LRRC18: variants seen among roughly 807,000 people sequenced by gnomAD.
The protein encoded by LRRC18 is leucine-rich repeat-containing protein 18.
LRRC18 carries 12 observed loss-of-function variants against 11.2 expected under a neutral mutation model. That is an observed-to-expected ratio of 1.07 (90% CI 0.69 to 1.74). The LOEUF (loss-of-function observed/expected upper bound fraction) is 1.74, where lower values mean the gene tolerates loss of function less well. Among genes scored for constraint, LRRC18 ranks in the 40% most tolerant of loss-of-function variants. LRRC18 has a pLI of 0.00. For synonymous variants in LRRC18, 155 were observed against 130.6 expected (o/e 1.19, Z -1.27); for missense variants, 374 against 330.5 (o/e 1.13, Z -1.02).
the LRRC18 span, among the ~76,000 whole-genome samples, chr10:48,922,577 G>A: frequency 0.36 from 55,356 of 152,008 alleles, 10,739 homozygotes; most frequent in African/African-American, 0.44. Context: ...TGCCTAACTC[G>A]TAAATTAAAC....
At chr10:48,917,515 C>T (rs1838660178), upstream of LRRC18, among the ~76,000 whole-genome samples, 1 of 152,182 alleles carries the variant, frequency 6.6e-6, no homozygotes, top group Non-Finnish European at 1.5e-5. Flanking sequence ...TGACGTATCA[C>T]CCACAGGGGA....
At chr10:48,932,807 G>A in the LRRC18 span, among the ~76,000 whole-genome samples, 4 of 152,134 alleles carry the variant, frequency 2.6e-5, no homozygotes, top group South Asian at 2.1e-4. Flanking sequence ...GAGGTGGGTG[G>A]GGAGGTCCTT....
At chr10:48,939,729 T>A in the LRRC18 span, among the ~76,000 whole-genome samples, 33 of 152,322 alleles carry the variant, frequency 2.2e-4, no homozygotes, top group Non-Finnish European at 3.2e-4. Flanking sequence ...ACAATATTTT[T>A]AAAAAATAGA....
intron 1 of LRRC18, among the ~76,000 whole-genome samples, chr10:48,912,757 A>G (rs1029559999): frequency 7.9e-5 from 12 of 152,282 alleles, no homozygotes; most frequent in Admixed American, 6.5e-4. Context: ...ATTCACAGCC[A>G]GTCAGAGGTC....
chr10:48,919,882 T>C, the LRRC18 span, among the ~76,000 whole-genome samples: 3 of 152,060 alleles, frequency 2.0e-5, no homozygotes, highest in Admixed American at 6.6e-5. Flanking sequence ...AAAAATAGAA[T>C]AGAGAGTGAT....
At chr10:48,910,856 C>G in intron 1 of LRRC18, 1 of 962,008 alleles carries the variant, frequency 1.0e-6, no homozygotes. Flanking sequence ...GAAGGGAGGA[C>G]GTGGACCAGC....
Position 48,913,731 on chromosome 10 carries a change from G to A in LRRC18, c.425C>T (p.Ala142Val), listed in dbSNP as rs763695309. 9.3e-6 allele frequency: 15 copies of A among 1,613,092 alleles called. No individual in the cohort carries two copies. In the African/African-American group the frequency reaches 1.7e-4, roughly 19 times the overall value. ...CCCTACCTCGTGGAGCTCCTTCAGG[G>A]CCCCCAGTGTGGTGGGCACGCTGTC... Residue 142 changes from alanine to valine, a missense_variant, in exon 1 of 2, where the codon GCC (alanine) becomes GTC (valine). Physicochemically the swap from Ala to Val is moderately conservative, Grantham distance 64. Coordinates refer to ENST00000374160, the Ensembl canonical transcript of LRRC18.
At chr10:48,936,792 C>G in the LRRC18 span, among the ~76,000 whole-genome samples, 6 of 147,956 alleles carry the variant, frequency 4.1e-5, no homozygotes, top group South Asian at 2.2e-4. Flanking sequence ...GAGCCGAGAT[C>G]GCGCCACTGC....
the LRRC18 span, among the ~76,000 whole-genome samples, chr10:48,933,527 T>C: frequency 6.6e-6 from 1 of 152,206 alleles, no homozygotes; most frequent in East Asian, 1.9e-4. Flanking sequence ...GTTCTGCAGA[T>C]GCTGGCAGGA....
At chr10:48,915,148 T>C (rs184832270), upstream of LRRC18, among the ~76,000 whole-genome samples, 32 of 152,302 alleles carry the variant, frequency 2.1e-4, no homozygotes, top group African/African-American at 7.5e-4. Flanking sequence ...CTTACAGAGC[T>C]ATGAGGGGGC....
chr10:48,913,389 C>T lies in LRRC18; in HGVS notation c.764+3G>A, dbSNP rs762435973. The T allele has an allele frequency of 3.1e-6, 5 of 1,608,432 alleles. No homozygotes were observed. In the South Asian group the frequency reaches 5.5e-5, roughly 18 times the overall value. ...TCTGCCTCAGGGTCAGGTTCCAAGTCACCTCCAGTCTTCCCAGGAGTCCTT... is the reference window on the plus strand; with the variant it reads ...TCTGCCTCAGGGTCAGGTTCCAAGTTACCTCCAGTCTTCCCAGGAGTCCTT... On this transcript the variant is annotated splice_donor_region_variant and intron_variant, in intron 1 of 1. Transcript: ENST00000374160.
chr10:48,939,593 G>A, the LRRC18 span, among the ~76,000 whole-genome samples: 1 of 152,210 alleles, frequency 6.6e-6, no homozygotes. Context: ...GATAATGATG[G>A]ATGATGGATG....
At chr10:48,930,748 G>A in the LRRC18 span, among the ~76,000 whole-genome samples, 135,191 of 152,048 alleles carry the variant, frequency 0.89, 61,537 homozygotes, top group East Asian at 1. Flanking sequence ...AATAATTAAT[G>A]TGTAATCATA....
At chr10:48,927,224 G>A in the LRRC18 span, among the ~76,000 whole-genome samples, 1 of 151,972 alleles carries the variant, frequency 6.6e-6, no homozygotes, top group Non-Finnish European at 1.5e-5. Context: ...TGCCTCCCCC[G>A]AACCCTCCCC....
chr10:48,932,018 G>C, the LRRC18 span, among the ~76,000 whole-genome samples: 1 of 152,214 alleles, frequency 6.6e-6, no homozygotes, highest in African/African-American at 2.4e-5. Context: ...CATGGGAGCT[G>C]TGAGGCAAAT....
At chr10:48,919,593 T>A in the LRRC18 span, among the ~76,000 whole-genome samples, 11 of 152,246 alleles carry the variant, frequency 7.2e-5, no homozygotes, top group Non-Finnish European at 1.6e-4. Context: ...AGATTTGCCA[T>A]CTGGTAAGAG....
At chr10:48,921,357 A>G in the LRRC18 span, among the ~76,000 whole-genome samples, 1 of 152,208 alleles carries the variant, frequency 6.6e-6, no homozygotes, top group African/African-American at 2.4e-5. Context: ...AGGTCAAAGG[A>G]TGTTCAATGG....
the LRRC18 span, among the ~76,000 whole-genome samples, chr10:48,929,182 A>G: frequency 6.6e-6 from 1 of 152,122 alleles, no homozygotes; most frequent in African/African-American, 2.4e-5. Context: ...ATCAAGTGGA[A>G]AAGTCTCTTT....
chr10:48,909,971 A>G lies in LRRC18; in HGVS notation c.*266T>C, dbSNP rs531232692. 7 of 508,254 alleles carry G rather than the reference A, an allele frequency of 1.4e-5. No homozygotes were observed. The East Asian group carries it at 1.6e-4, about 12-fold the overall frequency. 31.5% of individuals were successfully genotyped at this position (508,254 alleles called of 1,614,324 possible). On this transcript the variant is annotated 3_prime_UTR_variant, in exon 2 of 2. Transcript: ENST00000374160. ...AATATTTAGTTGTCTATAATATATA[A>G]TCTGTAATTTTCTTAAATTTTTTTC...
Sources: allele counts gnomAD v4.1 joint callset (sites outside exome capture counted in the v4.1 genomes callset), GRCh38; gene constraint gnomAD v4.1.1; transcripts MANE v1.5; gene names NCBI Gene and HGNC (gene_info 2026-07-23, HGNC 2026-07-21).